Variants in CEP350 observed in about 807,000 individuals in gnomAD.
The protein encoded by CEP350 is centrosome-associated protein 350.
Under a neutral mutation model 331.8 loss-of-function variants are expected in CEP350, and 126 were observed. The ratio of observed to expected loss-of-function variants is 0.38; its 90% CI spans 0.33 to 0.44. The LOEUF is 0.44. Among genes scored for constraint, CEP350 ranks in the 20% least tolerant of loss-of-function variants. The probability of loss-of-function intolerance (pLI) is 1.00; values close to 1 mark genes in which losing one functional copy is unlikely to be tolerated. For missense variants in CEP350, 3,406 were observed against 3,634.6 expected (o/e 0.94, Z 1.62); for synonymous variants, 1,200 against 1,259.5 (o/e 0.95, Z 1.00).
intron 21 of CEP350, among the ~76,000 whole-genome samples, chr1:180,048,133 A>G (rs1189599373): frequency 1.3e-5 from 2 of 152,238 alleles, no homozygotes; most frequent in African/African-American, 4.8e-5. Context: ...CAAAGTATAG[A>G]TTAAGCTTAT....
At position 180,033,873 on chromosome 1, in the gene CEP350, A is replaced by G. The variant is rs771841207; in HGVS notation, c.3737A>G (p.Asp1246Gly). 1.9e-6 allele frequency: 3 copies of G among 1,613,706 alleles called. No individual in the cohort carries two copies. Among genetic ancestry groups the G allele is most frequent in the Non-Finnish European group, 2.5e-6 (3 of 1,179,774 alleles). ...ATCAAAACTTCTAGTGTCTCATCAG[A>G]TAAGGGAAGATCTCAGAAAACTCCA... ...LSGHSVSVSS[D>G]KGRSQKTPTS... Residue 1246 changes from aspartate (D) to glycine (G), a missense_variant, in exon 16 of 38, where the codon GAT (aspartate) becomes GGT (glycine). By Grantham distance (94) the Asp-to-Gly change is moderately conservative. Coordinates refer to ENST00000367607, the MANE Select transcript of CEP350 (RefSeq NM_014810.5).
At chr1:180,027,525 C>A (rs951087096) in intron 14 of CEP350, among the ~76,000 whole-genome samples, 7 of 152,092 alleles carry the variant, frequency 4.6e-5, no homozygotes, top group Non-Finnish European at 8.8e-5. Context: ...GCTGGGACTA[C>A]AGGCACACAA....
At chr1:180,061,212 T>C (rs1171124865) in intron 25 of CEP350, among the ~76,000 whole-genome samples, 1 of 151,970 alleles carries the variant, frequency 6.6e-6, no homozygotes, top group Non-Finnish European at 1.5e-5. Context: ...GATTGATTGA[T>C]TGAGACAGGG....
At chr1:180,085,927 G>A (rs1659834308) in intron 31 of CEP350, 1 of 152,170 alleles carries the variant, frequency 6.6e-6, no homozygotes, top group Non-Finnish European at 1.5e-5. Context: ...TCACAACAAG[G>A]TGTGAGTATT....
In CEP350 at chr1:180,075,032, A is replaced by G. The variant is rs756097338; in HGVS notation, c.5578A>G (p.Lys1860Glu). 17 of 1,610,692 alleles carry G rather than the reference A, an allele frequency of 1.1e-5. No homozygotes were observed. The highest frequency in any genetic ancestry group is 1.3e-5 in the Non-Finnish European group (15 of 1,178,484). The change falls in exon 28 of 38, where the codon AAG becomes GAG. Residue 1860 changes from lysine (K) to glutamate (E), a missense_variant. Coordinates refer to ENST00000367607, the MANE Select transcript of CEP350 (RefSeq NM_014810.5). The part of the protein sequence containing the change: ...RSRMDEKFLT[K>E]REQKLMQRRQ... ...ATGGTGTGACCATAGGTTTCTGACA[A>G]AGCGGGAGCAAAAATTAATGCAACG...
At chr1:180,004,212 A>G (rs2148754412) in intron 7 of CEP350, among the ~76,000 whole-genome samples, 1 of 152,352 alleles carries the variant, frequency 6.6e-6, no homozygotes, top group South Asian at 2.1e-4. Flanking sequence ...GGATAATAAC[A>G]ATATACCTCA....
Position 180,020,144 on chromosome 1 carries a change from G to T in CEP350, c.2370G>T (p.Arg790Ser). Residue 790 changes from arginine (R) to serine (S), a missense_variant, in exon 12 of 38, where the codon AGG becomes AGT. By Grantham distance (110) the Arg-to-Ser change is moderately radical. This residue lies in a region of CEP350 where 1,857 missense variants were observed against 1,909.2 expected (regional missense o/e 0.97). Coordinates refer to ENST00000367607, the MANE Select transcript of CEP350 (RefSeq NM_014810.5). ...GGAAGAATCATAATATGGCTTCAAGGCCATTAACTTTTACACCTCAACCAT... is the reference window on the plus strand; with the variant it reads ...GGAAGAATCATAATATGGCTTCAAGTCCATTAACTTTTACACCTCAACCAT... ...PTRKNHNMAS[R>S]PLTFTPQPYV... The T allele has an allele frequency of 6.2e-7, 1 of 1,613,974 alleles. No individual in the cohort carries two copies. Among genetic ancestry groups the T allele is most frequent in the Non-Finnish European group, 8.5e-7 (1 of 1,179,882 alleles).
chr1:180,083,464 AAG>A (rs1233831403), intron 30 of CEP350, among the ~76,000 whole-genome samples: 3 of 152,234 alleles, frequency 2.0e-5, no homozygotes, highest in African/African-American at 4.8e-5. Context: ...AGAGCTTTCA[AAG>A]AGAGATTACA....
chr1:180,014,289 T>C lies in CEP350; in HGVS notation c.1836T>C (p.Asn612=). 1.3e-6 allele frequency: 2 copies of C among 1,598,268 alleles called. No individual in the cohort carries two copies. The highest frequency in any genetic ancestry group is 1.7e-6 in the Non-Finnish European group (2 of 1,172,212). ...AGGAGGAAAGGAAGAGAAAGCAAAA[T>C]GAAGAGAAGAAGGCTCAAAAGGAGG... is the stretch of plus-strand genomic sequence containing the variant. The part of the protein sequence containing the change: ...RQQEERKRKQ[N]EEKKAQKEAT... Residue 612 remains asparagine (N), a synonymous_variant, in exon 10 of 38, where the codon AAT becomes AAC. Coordinates refer to ENST00000367607, the MANE Select transcript of CEP350 (RefSeq NM_014810.5).
chr1:179,991,292 G>T (rs957089840), intron 4 of CEP350, among the ~76,000 whole-genome samples: 10 of 143,722 alleles, frequency 7.0e-5, no homozygotes, highest in South Asian at 6.8e-4. Context: ...TTTGTATTTT[G>T]ATTCTGTGGT....
intron 1 of CEP350, among the ~76,000 whole-genome samples, chr1:179,966,011 A>T (rs1169345677): frequency 6.6e-6 from 1 of 152,162 alleles, no homozygotes; most frequent in Non-Finnish European, 1.5e-5. Context: ...TAGGGCAAAG[A>T]AAGCCTTCTC....
chr1:180,041,186 G>C lies in CEP350; in HGVS notation c.4159G>C (p.Ala1387Pro), dbSNP rs781164773. ...AGACTTGGCCCTCTTGAAACTAAAG[G>C]CTGAACAAGAGGCTCTGGAGAGTCA... ...ERDLALLKLK[A>P]EQEALESQRQ... Residue 1387 changes from alanine to proline, a missense_variant, in exon 18 of 38, where the codon GCT (alanine) becomes CCT (proline). By Grantham distance (27) the Ala-to-Pro change is conservative (BLOSUM62 -1). Around this residue, in one of 5 missense-constraint regions of CEP350, gnomAD observed 1,857 missense variants for 1,909.2 expected, o/e 0.97. Transcript: ENST00000367607. The C allele has an allele frequency of 3.2e-5, 51 of 1,598,672 alleles. No homozygotes were observed. Among genetic ancestry groups the C allele is most frequent in the South Asian group, 2.4e-4 (21 of 87,752 alleles).
intron 30 of CEP350, among the ~76,000 whole-genome samples, chr1:180,083,772 C>G (rs897549901): frequency 3.3e-5 from 5 of 151,450 alleles, no homozygotes; most frequent in African/African-American, 4.9e-5. Context: ...TCAAGTAGTA[C>G]AATTAGAAAG....
chr1:179,995,235 A>G (rs1167583658), intron 5 of CEP350, among the ~76,000 whole-genome samples: 1 of 151,772 alleles, frequency 6.6e-6, no homozygotes, highest in Non-Finnish European at 1.5e-5. Context: ...TTTTTTTTTC[A>G]TGATTCATGT....
intron 25 of CEP350, among the ~76,000 whole-genome samples, chr1:180,057,467 C>T (rs1657928531): frequency 6.6e-6 from 1 of 150,878 alleles, no homozygotes; most frequent in Non-Finnish European, 1.5e-5. Context: ...TCTTCCCTGT[C>T]TGCTTGTATG....
chr1:180,084,808 G>A (rs1167787347), intron 31 of CEP350, among the ~76,000 whole-genome samples: 1 of 152,130 alleles, frequency 6.6e-6, no homozygotes, highest in Non-Finnish European at 1.5e-5. Context: ...AGGCTGTAGT[G>A]CACCATGATT....
At chr1:180,015,391 C>T (rs1045218674) in intron 10 of CEP350, among the ~76,000 whole-genome samples, 4 of 152,018 alleles carry the variant, frequency 2.6e-5, no homozygotes, top group Non-Finnish European at 4.4e-5. Flanking sequence ...CCCGCTACCT[C>T]GCCCGGCTAA....
chr1:180,066,663 C>T (rs1264343024), intron 27 of CEP350, among the ~76,000 whole-genome samples: 1 of 152,082 alleles, frequency 6.6e-6, no homozygotes, highest in African/African-American at 2.4e-5. Flanking sequence ...CAAATATTGA[C>T]AAATATATGA....
chr1:179,987,518 T>C (rs902294706), intron 3 of CEP350, among the ~76,000 whole-genome samples: 1 of 148,022 alleles, frequency 6.8e-6, no homozygotes, highest in Non-Finnish European at 1.5e-5. Context: ...TATAGTATTA[T>C]CATATATAAT....
Sources: gnomAD v4.1 joint callset for allele counts (sites outside exome capture counted in the v4.1 genomes callset) on GRCh38, gnomAD v4.1.1 for gene constraint, gnomAD v4.1.1 regional missense constraint, MANE v1.5 for transcripts, NCBI Gene and HGNC (gene_info 2026-07-23, HGNC 2026-07-21) for gene names.